Variants in LRP1B observed in about 807,000 individuals in gnomAD.
LRP1B encodes LDL receptor related protein 1B.
In LRP1B, 217 loss-of-function variants were observed where a neutral mutation model predicts 556.6. The observed-to-expected ratio is 0.39, with a 90% CI of 0.35 to 0.44. The LOEUF (loss-of-function observed/expected upper bound fraction) is 0.44, where lower values mean the gene tolerates loss of function less well. Ranked by LOEUF, LRP1B falls within the 20% of genes least tolerant of loss-of-function variation. LRP1B has a pLI of 1.00. For missense variants in LRP1B, 5,053 were observed against 5,620.8 expected (o/e 0.90, Z 3.23); for synonymous variants, 2,047 against 1,865.8 (o/e 1.10, Z -2.50).
intron 12 of LRP1B, among the ~76,000 whole-genome samples, chr2:141,017,678 C>T (rs1697945385): frequency 6.6e-6 from 1 of 151,680 alleles, no homozygotes; most frequent in African/African-American, 2.4e-5. Flanking sequence ...TATGCACACA[C>T]ACACATATAT....
chr2:140,825,479 T>A (rs1691471204), intron 31 of LRP1B, among the ~76,000 whole-genome samples: 1 of 152,036 alleles, frequency 6.6e-6, no homozygotes, highest in Admixed American at 6.6e-5. Flanking sequence ...CAAACCAACA[T>A]GTGGATCTTC....
At chr2:142,075,005 A>AC (rs1410186908) in intron 1 of LRP1B, among the ~76,000 whole-genome samples, 1 of 152,140 alleles carries the variant, frequency 6.6e-6, no homozygotes, top group Non-Finnish European at 1.5e-5. Flanking sequence ...CTTTAGGTAA[A>AC]TAACATAGCT....
chr2:141,132,467 G>A (rs1701382880), intron 7 of LRP1B, among the ~76,000 whole-genome samples: 1 of 151,840 alleles, frequency 6.6e-6, no homozygotes. Flanking sequence ...CTAACTGCAT[G>A]CTCTTGAACT....
chr2:141,328,953 C>G (rs1364067890), intron 3 of LRP1B, among the ~76,000 whole-genome samples: 1 of 152,176 alleles, frequency 6.6e-6, no homozygotes, highest in Non-Finnish European at 1.5e-5. Flanking sequence ...CTTTAAATGA[C>G]TACCTTTTTG....
intron 43 of LRP1B, among the ~76,000 whole-genome samples, chr2:140,547,755 C>T (rs376484223): frequency 1.3e-5 from 2 of 151,988 alleles, no homozygotes; most frequent in Admixed American, 6.6e-5. Context: ...AATTCCAAGC[C>T]AAGAGAGCTT....
intron 7 of LRP1B, among the ~76,000 whole-genome samples, chr2:141,186,138 C>CT (rs1301622696): frequency 6.7e-6 from 1 of 148,990 alleles, no homozygotes. Context: ...TCCAGGCATC[C>CT]TTTTGGGGGG....
intron 3 of LRP1B, among the ~76,000 whole-genome samples, chr2:141,434,552 C>T (rs765983712): frequency 2.0e-5 from 3 of 152,092 alleles, no homozygotes; most frequent in Non-Finnish European, 4.4e-5. Flanking sequence ...TTTTTAAGAG[C>T]TGCCTTGAAG....
chr2:141,678,580 A>G (rs373019740), intron 2 of LRP1B, among the ~76,000 whole-genome samples: 1 of 151,812 alleles, frequency 6.6e-6, no homozygotes, highest in African/African-American at 2.4e-5. Flanking sequence ...GAGAGAAAGT[A>G]TATCAAATTC....
chr2:142,008,003 A>C (rs1056781934), intron 1 of LRP1B, among the ~76,000 whole-genome samples: 1 of 152,198 alleles, frequency 6.6e-6, no homozygotes, highest in African/African-American at 2.4e-5. Context: ...CTGACAATTC[A>C]ATAGATCATT....
intron 1 of LRP1B, among the ~76,000 whole-genome samples, chr2:141,875,313 A>G (rs1698722464): frequency 6.6e-6 from 1 of 151,852 alleles, no homozygotes; most frequent in Non-Finnish European, 1.5e-5. Context: ...GGCCACACAC[A>G]GCCAATATTT....
intron 43 of LRP1B, among the ~76,000 whole-genome samples, chr2:140,581,807 A>G (rs1681774233): frequency 6.6e-6 from 1 of 152,040 alleles, no homozygotes. Flanking sequence ...CTCTTTCATT[A>G]AGTATCACAG....
At chr2:140,953,958 A>C (rs2105306025) in intron 18 of LRP1B, among the ~76,000 whole-genome samples, 1 of 152,298 alleles carries the variant, frequency 6.6e-6, no homozygotes, top group South Asian at 2.1e-4. Flanking sequence ...CTAAACCGTT[A>C]TTTTAATCTC....
rs573830727 is a variant in LRP1B at position 142,068,500 on chromosome 2, A to T, written c.82+62148T>A. Among the ~76,000 whole-genome samples the T allele has an allele frequency of 6.6e-5, 10 of 151,680 alleles. 1 individual carries two copies. In the South Asian group the frequency reaches 1.9e-3, roughly 28 times the overall value. On this transcript the variant is annotated intron_variant, in intron 1 of 90. Coordinates refer to ENST00000389484, the MANE Select transcript of LRP1B (RefSeq NM_018557.3). ...TCCATAAATTTCCACTGGGTTATAT[A>T]GATAGTGATAGGCTGCGTAGGGGTC... is the stretch of plus-strand genomic sequence containing the variant.
intron 3 of LRP1B, among the ~76,000 whole-genome samples, chr2:141,408,610 T>A (rs1275787777): frequency 1.3e-5 from 2 of 151,886 alleles, no homozygotes; most frequent in Non-Finnish European, 2.9e-5. Flanking sequence ...TAAAAAAAAA[T>A]AAATCTATGG....
intron 1 of LRP1B, among the ~76,000 whole-genome samples, chr2:142,102,487 T>C (rs922247704): frequency 1.3e-5 from 2 of 151,600 alleles, no homozygotes; most frequent in African/African-American, 4.8e-5. Context: ...ACTGCTGATA[T>C]AAGTATTTTG....
At chr2:140,531,301 A>C (rs1459069142) in intron 47 of LRP1B, among the ~76,000 whole-genome samples, 1 of 152,122 alleles carries the variant, frequency 6.6e-6, no homozygotes, top group African/African-American at 2.4e-5. Flanking sequence ...TAATTGACAG[A>C]ACCTATCTAT....
intron 32 of LRP1B, among the ~76,000 whole-genome samples, chr2:140,804,649 ATTTTTTTTTT>A (rs869167644): frequency 1.0e-4 from 6 of 57,936 alleles, no homozygotes; most frequent in African/African-American, 3.4e-4. Context: ...GTAAAAACTA[ATTTTTTTTTT>A]TTTTTTTTTT....
At chr2:141,736,746 C>A (rs183437977) in intron 2 of LRP1B, among the ~76,000 whole-genome samples, 1 of 152,248 alleles carries the variant, frequency 6.6e-6, no homozygotes, top group African/African-American at 2.4e-5. Flanking sequence ...TCCCAGGAGT[C>A]ATTTGCATCA....
At chr2:141,728,119 A>G (rs568099774) in intron 2 of LRP1B, among the ~76,000 whole-genome samples, 7 of 152,236 alleles carry the variant, frequency 4.6e-5, no homozygotes, top group African/African-American at 1.7e-4. Flanking sequence ...TCCGCTGGAG[A>G]GAAAATAAGG....
Sources: allele counts gnomAD v4.1 joint callset (sites outside exome capture counted in the v4.1 genomes callset), GRCh38; gene constraint gnomAD v4.1.1; transcripts MANE v1.5; gene names NCBI Gene and HGNC (gene_info 2026-07-23, HGNC 2026-07-21).